The following ZNF469 variants were observed in gnomAD, a reference collection of about 807,000 sequenced individuals.
ZNF469 encodes the protein zinc finger protein 469.
In ZNF469, 1 loss-of-function variant was observed where a neutral mutation model predicts 1.0. That is an observed-to-expected ratio of 1.00 (90% CI 0.35 to 4.73). ZNF469 has a LOEUF of 4.73. ZNF469 is among the 30% of genes most tolerant of loss of function. ZNF469 has a pLI of 0.16. For missense variants in ZNF469, 6,100 were observed against 5,356.3 expected, an observed-to-expected ratio of 1.14 and a Z score of -4.33; for synonymous variants, 2,703 against 2,363.4, an observed-to-expected ratio of 1.14 and a Z score of -4.17.
chr16:88,249,783 G>A, the ZNF469 span, among the ~76,000 whole-genome samples: 1 of 152,044 alleles, frequency 6.6e-6, no homozygotes, highest in Non-Finnish European at 1.5e-5. Context: ...TTTTGCCCTG[G>A]CTGGTCTGGG....
chr16:88,117,573 C>CGGACCGTGGAGGTGCCATGTGCCTTCGG, the ZNF469 span, among the ~76,000 whole-genome samples: 1 of 22,200 alleles, frequency 4.5e-5, no homozygotes, highest in Non-Finnish European at 9.1e-5. Flanking sequence ...CGTGCCTTCA[C>CGGACCGTGGAGGTGCCATGTGCCTTCGG]GGACCGTGGA....
At chr16:88,381,304 A>T (rs2092524201), upstream of ZNF469, among the ~76,000 whole-genome samples, 1 of 147,950 alleles carries the variant, frequency 6.8e-6, no homozygotes, top group Non-Finnish European at 1.5e-5. Flanking sequence ...ACACACATGC[A>T]CTCATGCACT....
chr16:88,328,186 G>A, the ZNF469 span, among the ~76,000 whole-genome samples: 1 of 152,366 alleles, frequency 6.6e-6, no homozygotes, highest in East Asian at 1.9e-4. Context: ...GCAGGCAGAC[G>A]CACGCTATGT....
the ZNF469 span, among the ~76,000 whole-genome samples, chr16:88,357,460 C>T: frequency 3.3e-4 from 50 of 152,146 alleles, no homozygotes; most frequent in Non-Finnish European, 5.4e-4. Flanking sequence ...CTCATCCCGG[C>T]CCTGATCCTG....
At chr16:88,295,787 G>A in the ZNF469 span, among the ~76,000 whole-genome samples, 1 of 152,160 alleles carries the variant, frequency 6.6e-6, no homozygotes, top group Admixed American at 6.5e-5. Context: ...CCTCTCTCTG[G>A]AACAGATCTG....
the ZNF469 span, among the ~76,000 whole-genome samples, chr16:88,263,138 C>A: frequency 6.6e-6 from 1 of 152,196 alleles, no homozygotes; most frequent in Admixed American, 6.5e-5. Context: ...TGTGAAGGAG[C>A]TTGCTGGCAC....
At chr16:88,318,505 C>T in the ZNF469 span, among the ~76,000 whole-genome samples, 6 of 151,712 alleles carry the variant, frequency 4.0e-5, no homozygotes, top group African/African-American at 1.5e-4. Flanking sequence ...CAATTCTCCC[C>T]CCAGCCCTTT....
the ZNF469 span, among the ~76,000 whole-genome samples, chr16:88,308,941 C>T: frequency 6.6e-6 from 1 of 152,158 alleles, no homozygotes; most frequent in Non-Finnish European, 1.5e-5. Flanking sequence ...GCAATCTGTT[C>T]CTGGGTGGTG....
At chr16:88,107,036 C>T in the ZNF469 span, among the ~76,000 whole-genome samples, 1 of 152,222 alleles carries the variant, frequency 6.6e-6, no homozygotes, top group African/African-American at 2.4e-5. Context: ...ACGAGTTCTG[C>T]CTTTGGGGCG....
chr16:88,245,896 C>T, the ZNF469 span, among the ~76,000 whole-genome samples: 1 of 152,296 alleles, frequency 6.6e-6, no homozygotes, highest in Non-Finnish European at 1.5e-5. Flanking sequence ...GAACAGACCA[C>T]AGGGACTGGG....
the ZNF469 span, among the ~76,000 whole-genome samples, chr16:88,113,372 AT>A: frequency 6.6e-6 from 1 of 152,252 alleles, no homozygotes; most frequent in African/African-American, 2.4e-5. Context: ...TCCCCAGGGT[AT>A]GTTCTTGCCA....
intron 1 of ZNF469, among the ~76,000 whole-genome samples, chr16:88,414,703 G>A (rs1056803394): frequency 7.9e-5 from 12 of 152,260 alleles, no homozygotes; most frequent in Admixed American, 5.9e-4. Flanking sequence ...CCAGAAGGAC[G>A]TCCCAGTGGG....
the ZNF469 span, among the ~76,000 whole-genome samples, chr16:88,245,800 A>T: frequency 6.6e-6 from 1 of 152,258 alleles, no homozygotes; most frequent in Admixed American, 6.5e-5. Flanking sequence ...CAGCCACCAG[A>T]CACTAGAACA....
rs1046436333 is a variant in ZNF469 at position 88,437,143 on chromosome 16, G to A, written c.9673G>A (p.Ala3225Thr). ...PGGLEGSSAVAHLLNSITEPA... is the reference protein window; with the variant it reads ...PGGLEGSSAVTHLLNSITEPA... ...AGGCCTGGAGGGCAGCAGCGCTGTCGCCCACCTTCTGAACAGCATCACGGA... is the reference window on the plus strand; with the variant it reads ...AGGCCTGGAGGGCAGCAGCGCTGTCACCCACCTTCTGAACAGCATCACGGA... Residue 3225 changes from alanine to threonine, a missense_variant, in exon 3 of 3, where the codon GCC becomes ACC. Transcript: ENST00000565624. 17 of 1,548,850 alleles carry A rather than the reference G, an allele frequency of 1.1e-5. No homozygotes were observed. In the Middle Eastern group the frequency reaches 5.0e-4, roughly 46 times the overall value.
At chr16:88,113,378 T>C in the ZNF469 span, among the ~76,000 whole-genome samples, 1 of 152,238 alleles carries the variant, frequency 6.6e-6, no homozygotes, top group African/African-American at 2.4e-5. Flanking sequence ...GGGTATGTTC[T>C]TGCCACCTTT....
the ZNF469 span, among the ~76,000 whole-genome samples, chr16:88,270,093 T>C: frequency 6.6e-6 from 1 of 152,212 alleles, no homozygotes; most frequent in Non-Finnish European, 1.5e-5. Flanking sequence ...TAGCTTTTTT[T>C]TCTTGGAGGT....
the ZNF469 span, among the ~76,000 whole-genome samples, chr16:88,318,769 C>T: frequency 2.0e-5 from 3 of 152,170 alleles, no homozygotes; most frequent in Non-Finnish European, 4.4e-5. Flanking sequence ...GGAAAGCATG[C>T]GAGGGAGGGA....
chr16:88,293,389 G>A, the ZNF469 span, among the ~76,000 whole-genome samples: 1 of 151,470 alleles, frequency 6.6e-6, no homozygotes, highest in Admixed American at 6.6e-5. Flanking sequence ...GGATAGTTAG[G>A]TGGATGAATA....
the ZNF469 span, among the ~76,000 whole-genome samples, chr16:88,345,171 C>A: frequency 6.6e-6 from 1 of 152,194 alleles, no homozygotes; most frequent in South Asian, 2.1e-4. Context: ...CAGCCCCCTC[C>A]CGGGCACCCA....
Sources: gnomAD v4.1 joint callset for allele counts (sites outside exome capture counted in the v4.1 genomes callset) on GRCh38, gnomAD v4.1.1 for gene constraint, MANE v1.5 for transcripts, NCBI Gene and HGNC (gene_info 2026-07-23, HGNC 2026-07-21) for gene names.